Variants in CACNA1A observed in about 807,000 individuals in gnomAD.
CACNA1A encodes calcium voltage-gated channel subunit alpha1 A, also known as voltage-dependent P/Q-type calcium channel subunit alpha-1A.
In CACNA1A, 57 loss-of-function variants were observed where a neutral mutation model predicts 262.4. The ratio of observed to expected loss-of-function variants is 0.22; its 90% CI spans 0.18 to 0.27. CACNA1A has a LOEUF of 0.27. Ranked by LOEUF, CACNA1A falls within the 10% of genes least tolerant of loss-of-function variation. The pLI is 1.00. For missense variants in CACNA1A, 2,526 were observed against 3,562.8 expected, an observed-to-expected ratio of 0.71 and a Z score of 7.41; for synonymous variants, 1,431 against 1,419.3, an observed-to-expected ratio of 1.01 and a Z score of -0.18.
intron 3 of CACNA1A, among the ~76,000 whole-genome samples, chr19:13,420,897 C>T (rs1028887001): frequency 6.6e-6 from 1 of 152,156 alleles, no homozygotes; most frequent in South Asian, 2.1e-4. Context: ...ACCACTCCCC[C>T]ATCCCCCACC....
At position 13,378,899 on chromosome 19, in the gene CACNA1A, C is replaced by T. The variant is rs568022779; in HGVS notation, c.540-7120G>A. Among the ~76,000 whole-genome samples, 8 of 151,494 alleles carry T rather than the reference C, an allele frequency of 5.3e-5. No homozygotes were observed. In the South Asian group the frequency reaches 1.7e-3, roughly 32 times the overall value. Reference sequence around the variant, plus strand: ...GGCTGGGCTGGTTTTGAACTCCTGACCTCAAGTGATCCACCCACCTTGGCC... The same window carrying T: ...GGCTGGGCTGGTTTTGAACTCCTGATCTCAAGTGATCCACCCACCTTGGCC... On this transcript the variant is annotated intron_variant, in intron 3 of 46. Transcript: ENST00000360228.
intron 6 of CACNA1A, among the ~76,000 whole-genome samples, chr19:13,354,967 C>T (rs935859128): frequency 1.3e-5 from 2 of 150,436 alleles, no homozygotes; most frequent in Non-Finnish European, 2.9e-5. Flanking sequence ...CTCCATCTCC[C>T]GGGTTCAAGT....
chr19:13,427,297 A>T (rs965840638), intron 3 of CACNA1A, among the ~76,000 whole-genome samples: 1 of 151,930 alleles, frequency 6.6e-6, no homozygotes, highest in Non-Finnish European at 1.5e-5. Context: ...ACTAAAAAAA[A>T]TTAAATTAGC....
chr19:13,322,102 T>G (rs2058267144), intron 10 of CACNA1A, among the ~76,000 whole-genome samples: 1 of 147,048 alleles, frequency 6.8e-6, no homozygotes, highest in African/African-American at 2.5e-5. Context: ...CTCGGGAGGC[T>G]GAGGTGGGAG....
chr19:13,270,303 T>C (rs1033356819), intron 24 of CACNA1A, among the ~76,000 whole-genome samples: 18 of 151,048 alleles, frequency 1.2e-4, no homozygotes, highest in African/African-American at 4.1e-4. Context: ...ATAAGGTCAA[T>C]CTAATACTTG....
chr19:13,339,415 A>C (rs1489576050), intron 6 of CACNA1A, among the ~76,000 whole-genome samples: 1 of 152,128 alleles, frequency 6.6e-6, no homozygotes, highest in Non-Finnish European at 1.5e-5. Context: ...ACAGAGTTAC[A>C]TTTGGAAGAT....
At chr19:13,367,766 C>G (rs946355847) in intron 4 of CACNA1A, among the ~76,000 whole-genome samples, 2 of 152,040 alleles carry the variant, frequency 1.3e-5, no homozygotes, top group Admixed American at 1.3e-4. Flanking sequence ...CGAAGGGACA[C>G]AGTGGAACAG....
At chr19:13,474,537 T>G (rs7253154) in intron 1 of CACNA1A, among the ~76,000 whole-genome samples, 27,631 of 152,098 alleles carry the variant, frequency 0.18, 4,500 homozygotes, top group African/African-American at 0.42. Flanking sequence ...GCAAAGAGTT[T>G]GCCAGGTGTG....
intron 3 of CACNA1A, among the ~76,000 whole-genome samples, chr19:13,381,325 G>A (rs1016959568): frequency 6.6e-6 from 1 of 151,358 alleles, no homozygotes; most frequent in African/African-American, 2.4e-5. Context: ...CTTGAGTTTG[G>A]GATTTTGAGG....
chr19:13,504,180 C>A (rs1478318380), intron 1 of CACNA1A, among the ~76,000 whole-genome samples: 1 of 152,172 alleles, frequency 6.6e-6, no homozygotes, highest in Non-Finnish European at 1.5e-5. Context: ...AAGGCACTCC[C>A]ACTCCTCACT....
chr19:13,381,914 G>A (rs757845973), intron 3 of CACNA1A, among the ~76,000 whole-genome samples: 8 of 152,078 alleles, frequency 5.3e-5, no homozygotes, highest in African/African-American at 1.4e-4. Context: ...TCTGAGTAAG[G>A]TGTGAGCCAT....
intron 31 of CACNA1A, chr19:13,235,961 A>G (rs2055859208): frequency 6.3e-6 from 3 of 474,500 alleles, no homozygotes; most frequent in South Asian, 4.2e-5. Flanking sequence ...CATCAACTCA[A>G]AAGCATAAGC....
At chr19:13,432,103 CA>C (rs71170513) in intron 3 of CACNA1A, among the ~76,000 whole-genome samples, 13,009 of 64,342 alleles carry the variant, frequency 0.2, 481 homozygotes, top group Non-Finnish European at 0.25. Context: ...GACTCCGTCT[CA>C]AAAAAAAAAA....
At chr19:13,289,843 C>T (rs1346632908) in intron 19 of CACNA1A, among the ~76,000 whole-genome samples, 6 of 151,606 alleles carry the variant, frequency 4.0e-5, no homozygotes, top group African/African-American at 7.3e-5. Flanking sequence ...ATGCCTGTCC[C>T]GCTGTTATAT....
At chr19:13,496,644 A>G (rs766188230) in intron 1 of CACNA1A, among the ~76,000 whole-genome samples, 5 of 152,180 alleles carry the variant, frequency 3.3e-5, no homozygotes, top group Admixed American at 6.5e-5. Context: ...ATGGGTTAAC[A>G]ACACAGACGC....
intron 3 of CACNA1A, among the ~76,000 whole-genome samples, chr19:13,434,850 C>A (rs1190465176): frequency 1.3e-5 from 2 of 152,058 alleles, no homozygotes; most frequent in Middle Eastern, 3.4e-3. Flanking sequence ...AGTGCAGTGG[C>A]ATAATCATTG....
At position 13,207,692 on chromosome 19, in the gene CACNA1A, C is replaced by T; in HGVS notation, c.7142G>A (p.Arg2381Lys). The T allele has an allele frequency of 7.2e-7, 1 of 1,391,806 alleles. No homozygotes were observed. 86.2% of individuals were successfully genotyped at this position (1,391,806 alleles called of 1,614,324 possible). The part of the protein sequence containing the change: ...VPGPARSESP[R>K]ACRHGGARWP... The stretch of plus-strand genomic sequence containing the variant: ...CCGGGCCCCGCCGTGTCGACAGGCC[C>T]TGGGGGACTCGCTCCGGGCCGGGCC... The change falls in exon 47 of 47, where the codon AGG becomes AAG. Residue 2381 changes from arginine (R) to lysine (K), a missense_variant. Arg to Lys is a conservative substitution (Grantham distance 26). Coordinates refer to ENST00000360228, the MANE Select transcript of CACNA1A (RefSeq NM_001127222.2). The surrounding 1 kb of genome is among the most constrained non-coding windows in gnomAD (Gnocchi z 5.7).
At chr19:13,348,188 G>T (rs1197017540) in intron 6 of CACNA1A, among the ~76,000 whole-genome samples, 3 of 152,048 alleles carry the variant, frequency 2.0e-5, no homozygotes, top group Non-Finnish European at 2.9e-5. Context: ...TTCTCAAAGG[G>T]CTGGGATTCC....
Position 13,245,215 on chromosome 19 carries a change from G to T in CACNA1A, c.4917C>A (p.Gly1639=), listed in dbSNP as rs1008909052. 1.2e-6 allele frequency: 2 copies of T among 1,613,918 alleles called. No homozygotes were observed. The highest frequency in any genetic ancestry group is 8.5e-7 in the Non-Finnish European group (1 of 1,179,802). Reference sequence around the variant, plus strand: ...CAGTCACGAGGATATCGGTGATGCTGCCCAGAACAGTCACAAAGTCGAAGA... The same window carrying T: ...CAGTCACGAGGATATCGGTGATGCTTCCCAGAACAGTCACAAAGTCGAAGA... The part of the protein sequence containing the change: ...WNIFDFVTVL[G]SITDILVTEF... The change falls in exon 31 of 47, where the codon GGC becomes GGA. Residue 1639 remains glycine, a synonymous_variant. Transcript: ENST00000360228.
Sources: gnomAD v4.1 joint callset for allele counts (sites outside exome capture counted in the v4.1 genomes callset) on GRCh38, gnomAD v4.1.1 for gene constraint, Gnocchi (gnomAD v3.1) non-coding constraint, MANE v1.5 for transcripts, NCBI Gene and HGNC (gene_info 2026-07-23, HGNC 2026-07-21) for gene names.